The following EML1 variants were observed in gnomAD, a reference collection of about 807,000 sequenced individuals.
EML1 encodes echinoderm microtubule-associated protein-like 1.
A neutral mutation model predicts 110.4 loss-of-function variants in EML1; 27 were observed. The ratio of observed to expected loss-of-function variants is 0.24; its 90% confidence interval spans 0.18 to 0.34. The LOEUF is 0.34. Ranked by LOEUF, EML1 falls within the 10% of genes least tolerant of loss-of-function variation. The probability of loss-of-function intolerance (pLI) is 1.00; values close to 1 mark genes in which losing one functional copy is unlikely to be tolerated. For synonymous variants in EML1, 344 were observed against 385.8 expected, an observed-to-expected ratio of 0.89 and a Z score of 1.27; for missense variants, 741 against 1,030.9, an observed-to-expected ratio of 0.72 and a Z score of 3.85.
chr14:99,821,770 A>G (rs1423036605), intron 1 of EML1, among the ~76,000 whole-genome samples: 1 of 152,224 alleles, frequency 6.6e-6, no homozygotes, highest in African/African-American at 2.4e-5. Flanking sequence ...ACACATGATG[A>G]AATGGAATAG....
chr14:99,855,963 A>G (rs935085552), intron 2 of EML1, among the ~76,000 whole-genome samples: 1 of 152,234 alleles, frequency 6.6e-6, no homozygotes, highest in Non-Finnish European at 1.5e-5. Context: ...AGCCTGTGCT[A>G]CACTGGCACT....
intron 8 of EML1, among the ~76,000 whole-genome samples, chr14:99,900,259 G>A (rs1439798973): frequency 1.4e-5 from 2 of 146,682 alleles, no homozygotes; most frequent in Non-Finnish European, 3.0e-5. Context: ...TGCAATCTTG[G>A]CTCACTGCAA....
intron 1 of EML1, among the ~76,000 whole-genome samples, chr14:99,844,476 CAAA>C (rs71113228): frequency 0.03 from 4,115 of 136,384 alleles, 71 homozygotes; most frequent in Middle Eastern, 0.087. Context: ...GAGACTTTGT[CAAA>C]AAAAAAAAAA....
At chr14:99,910,468 C>A in intron 12 of EML1, 127 bp downstream of exon 12, 1 of 683,844 alleles carries the variant, frequency 1.5e-6, no homozygotes. Flanking sequence ...GTTACAGAGA[C>A]ACACACATAC....
chr14:99,796,186 CAGAGAGAGAGAGAGAG>C (rs57818494), intron 1 of EML1, among the ~76,000 whole-genome samples: 1,877 of 119,288 alleles, frequency 0.016, 29 homozygotes, highest in African/African-American at 0.043. Flanking sequence ...GACCCTGTCT[CAGAGAGAGAGAGAGAG>C]AGAGAGAGAG....
intron 2 of EML1, among the ~76,000 whole-genome samples, chr14:99,851,550 G>A (rs377162149): frequency 3.3e-5 from 5 of 152,026 alleles, no homozygotes; most frequent in Middle Eastern, 6.8e-3. Flanking sequence ...CTCGTGATCC[G>A]CCCGCCTCGG....
chr14:99,926,768 G>A (rs2060241665), intron 17 of EML1, among the ~76,000 whole-genome samples: 1 of 148,908 alleles, frequency 6.7e-6, no homozygotes, highest in African/African-American at 2.5e-5. Context: ...TTTTTAGACA[G>A]AGCCTCACTC....
Position 99,784,185 on chromosome 14 carries a change from G to A in EML1, c.-27+10172G>A. Among the ~76,000 whole-genome samples, 1 of 152,146 alleles carries A rather than the reference G, an allele frequency of 6.6e-6. No individual in the cohort carries two copies. The highest frequency in any genetic ancestry group is 1.9e-4 in the East Asian group (1 of 5,184). On this transcript the variant is annotated intron_variant, in intron 1 of 22. Transcript: ENST00000327921. This position sits in a 1 kb window ranked among gnomAD's most constrained non-coding sequence, Gnocchi z 4.5. ...GGCTCACTGTAGCCTTGACCACCCAGGCTCAAGCAATCTTCCCACCTTTCA... is the reference window on the plus strand; with the variant it reads ...GGCTCACTGTAGCCTTGACCACCCAAGCTCAAGCAATCTTCCCACCTTTCA...
At chr14:99,798,017 A>G (rs1449079485) in intron 1 of EML1, among the ~76,000 whole-genome samples, 2 of 152,200 alleles carry the variant, frequency 1.3e-5, no homozygotes, top group Non-Finnish European at 2.9e-5. Flanking sequence ...GAGCATTTTC[A>G]AGAGACTGGA....
At chr14:99,823,332 T>G (rs935734331) in intron 1 of EML1, among the ~76,000 whole-genome samples, 1 of 151,620 alleles carries the variant, frequency 6.6e-6, no homozygotes, top group Non-Finnish European at 1.5e-5. Flanking sequence ...CTGGCCGCAC[T>G]GTGGCTGTGT....
At chr14:99,917,694 T>C (rs2060056204) in intron 15 of EML1, 88 bp from the exon 16 acceptor site, 1 of 1,152,858 alleles carries the variant, frequency 8.7e-7, no homozygotes, top group Admixed American at 1.9e-5. Context: ...AGTGTGAGCG[T>C]TTGTGTGTGC....
intron 1 of EML1, among the ~76,000 whole-genome samples, chr14:99,817,883 G>GC (rs1211881339): frequency 6.6e-6 from 1 of 152,112 alleles, no homozygotes; most frequent in East Asian, 1.9e-4. Flanking sequence ...TGTAGGTGGA[G>GC]CCCCCAGCCC....
chr14:99,885,888 C>T, intron 4 of EML1: 1 of 455,858 alleles, frequency 2.2e-6, no homozygotes, highest in Non-Finnish European at 4.4e-6. Context: ...GGAGGTTAAG[C>T]TGGTGGAGGT....
upstream of EML1, chr14:99,793,391 C>G: frequency 1.0e-6 from 1 of 999,310 alleles, no homozygotes; most frequent in Non-Finnish European, 1.2e-6. Flanking sequence ...GCGCCAGCGC[C>G]GGTCGCGGTC....
chr14:99,805,747 A>G (rs2057960311), intron 1 of EML1, among the ~76,000 whole-genome samples: 1 of 152,070 alleles, frequency 6.6e-6, no homozygotes, highest in African/African-American at 2.4e-5. Flanking sequence ...AAGTGTTGGG[A>G]TTACAGCCAT....
In EML1 at chr14:99,819,154, A is replaced by G. The variant is rs771531680; in HGVS notation, c.67+25611A>G. Among the ~76,000 whole-genome samples, 12 of 152,138 alleles carry G rather than the reference A, an allele frequency of 7.9e-5. No homozygotes were observed. The South Asian group carries it at 1.2e-3, about 16-fold the overall frequency. On this transcript the variant is annotated intron_variant, in intron 1 of 21. Transcript: ENST00000262233. ...GTTGTTTTAGAGACAGGGTCTTGCT[A>G]TGTTGCCCAGATTGGTCTTTGAACT...
At chr14:99,742,654 TG>T (rs1459780050) in intron 1 of EML1, among the ~76,000 whole-genome samples, 1 of 152,012 alleles carries the variant, frequency 6.6e-6, no homozygotes, top group African/African-American at 2.4e-5. Flanking sequence ...CAGGGCTCCA[TG>T]GGGTGACCTG....
At chr14:99,786,018 A>G (rs149443706) in intron 1 of EML1, among the ~76,000 whole-genome samples, 2,088 of 149,318 alleles carry the variant, frequency 0.014, 25 homozygotes, top group Non-Finnish European at 0.024. Context: ...CGGCTAGTTC[A>G]CGGAAGTTCA....
chr14:99,831,673 C>G (rs1027334762), intron 1 of EML1, among the ~76,000 whole-genome samples: 2 of 152,082 alleles, frequency 1.3e-5, no homozygotes, highest in Non-Finnish European at 2.9e-5. Context: ...CCTATAGATC[C>G]AAACACAGTT....
Sources: allele counts gnomAD v4.1 joint callset (sites outside exome capture counted in the v4.1 genomes callset), GRCh38; gene constraint gnomAD v4.1.1; non-coding constraint Gnocchi (gnomAD v3.1); transcripts MANE v1.5; gene names NCBI Gene and HGNC (gene_info 2026-07-23, HGNC 2026-07-21).